The following GRID2 variants were observed in gnomAD, a reference collection of about 807,000 sequenced individuals.
GRID2 encodes the protein glutamate receptor ionotropic, delta-2.
GRID2 carries 33 observed loss-of-function variants against 114.8 expected under a neutral mutation model. The ratio of observed to expected loss-of-function variants is 0.29; its 90% CI spans 0.22 to 0.38. The LOEUF is 0.38. Among genes scored for constraint, GRID2 ranks in the 10% least tolerant of loss-of-function variants. The pLI is 1.00. For synonymous variants in GRID2, 505 were observed against 449.9 expected (o/e 1.12, Z -1.55); for missense variants, 1,184 against 1,257.7 (o/e 0.94, Z 0.89).
At chr4:92,426,082 A>G (rs548724539) in intron 1 of GRID2, among the ~76,000 whole-genome samples, 198 of 152,252 alleles carry the variant, frequency 1.3e-3, no homozygotes, top group Non-Finnish European at 1.7e-3. Context: ...TGAATACTTT[A>G]TGATTCAAAC....
At chr4:92,783,421 T>G (rs1288020050) in intron 2 of GRID2, among the ~76,000 whole-genome samples, 1 of 152,254 alleles carries the variant, frequency 6.6e-6, no homozygotes, top group African/African-American at 2.4e-5. Context: ...TTTAAAACTC[T>G]GAACATAATG....
chr4:92,428,883 T>C (rs183477035), intron 1 of GRID2, among the ~76,000 whole-genome samples: 104 of 152,336 alleles, frequency 6.8e-4, no homozygotes, highest in African/African-American at 2.4e-3. Flanking sequence ...TTTTAAATTA[T>C]ACTTTAAGTT....
In GRID2 at chr4:92,550,266, TGTAGA is replaced by T. The variant is rs1489038913; in HGVS notation, c.89-39861_89-39857del. On this transcript the variant is annotated intron_variant, in intron 1 of 15. Transcript: ENST00000282020. ...GAACACATAGATTATATTTTTTGTT[TGTAGA>T]GTATTTATTAACTATATAAGCAACA... Among the ~76,000 whole-genome samples the T allele has an allele frequency of 7.9e-5, 12 of 152,290 alleles. No homozygotes were observed. In the East Asian group the frequency reaches 2.1e-3, roughly 27 times the overall value.
intron 2 of GRID2, among the ~76,000 whole-genome samples, chr4:92,999,118 G>A (rs1375177272): frequency 6.6e-6 from 1 of 151,712 alleles, no homozygotes; most frequent in African/African-American, 2.4e-5. Context: ...AAAGCTCATT[G>A]TATAAAACTT....
At chr4:92,819,360 A>G (rs1047546221) in intron 2 of GRID2, among the ~76,000 whole-genome samples, 3 of 152,174 alleles carry the variant, frequency 2.0e-5, no homozygotes, top group Admixed American at 1.3e-4. Context: ...AGTGATTCCA[A>G]TGTGCAGCCA....
At position 93,780,894 on chromosome 4, in the gene GRID2, G is replaced by A. The variant is rs528270698; in HGVS notation, c.221+11444G>A. The stretch of plus-strand genomic sequence containing the variant: ...AGAAGAAAAAGAGGCCAATTAAAAG[G>A]GCTGGACAATAATTTCGGTATGTGC... On this transcript the variant is annotated intron_variant, in intron 1 of 1. Coordinates refer to the GRID2 transcript ENST00000637838. Among the ~76,000 whole-genome samples, 7 of 152,300 alleles carry A rather than the reference G, an allele frequency of 4.6e-5. No individual in the cohort carries two copies. In the East Asian group the frequency reaches 1.2e-3, roughly 25 times the overall value.
intron 2 of GRID2, among the ~76,000 whole-genome samples, chr4:92,871,607 C>T (rs767564542): frequency 6.6e-6 from 1 of 152,102 alleles, no homozygotes; most frequent in African/African-American, 2.4e-5. Flanking sequence ...AGTCAAGGAG[C>T]AGGGAAGAGG....
chr4:93,259,050 A>AT, intron 8 of GRID2: 1 of 359,566 alleles, frequency 2.8e-6, no homozygotes, highest in Non-Finnish European at 5.6e-6. Flanking sequence ...AAGAAAAAAA[A>AT]GTATTATAGA....
intron 2 of GRID2, among the ~76,000 whole-genome samples, chr4:92,965,762 A>C (rs1243737545): frequency 1.3e-5 from 2 of 151,880 alleles, no homozygotes; most frequent in Non-Finnish European, 2.9e-5. Context: ...TTTCTTCAAA[A>C]ATATAGCCAG....
chr4:92,542,993 TAAAC>T (rs77874363), intron 1 of GRID2, among the ~76,000 whole-genome samples: 33,494 of 151,812 alleles, frequency 0.22, 4,571 homozygotes, highest in African/African-American at 0.39. Context: ...CACTTCTAAA[TAAAC>T]AAACAGTACC....
chr4:93,555,959 G>A (rs1734278457), intron 13 of GRID2, among the ~76,000 whole-genome samples: 5 of 152,166 alleles, frequency 3.3e-5, no homozygotes, highest in Admixed American at 3.3e-4. Context: ...TGATACCCAG[G>A]CAAACGGAGT....
intron 13 of GRID2, among the ~76,000 whole-genome samples, chr4:93,553,580 T>C (rs1442857724): frequency 6.6e-6 from 1 of 152,248 alleles, no homozygotes; most frequent in Non-Finnish European, 1.5e-5. Context: ...TAGTTTGTTC[T>C]GACTGCTACA....
intron 2 of GRID2, among the ~76,000 whole-genome samples, chr4:93,043,285 G>A (rs2149271611): frequency 6.6e-6 from 1 of 152,286 alleles, no homozygotes; most frequent in South Asian, 2.1e-4. Flanking sequence ...GATACTTGCT[G>A]ATTGACCTTC....
At chr4:93,062,259 T>C (rs1285055410) in intron 2 of GRID2, among the ~76,000 whole-genome samples, 1 of 152,162 alleles carries the variant, frequency 6.6e-6, no homozygotes, top group Admixed American at 6.6e-5. Context: ...TTTGATAATA[T>C]ATTTTTAGTG....
chr4:92,632,293 T>C (rs188511510), intron 2 of GRID2, among the ~76,000 whole-genome samples: 1 of 152,280 alleles, frequency 6.6e-6, no homozygotes, highest in Non-Finnish European at 1.5e-5. Flanking sequence ...TGAAATAGTT[T>C]TTAATTTTGT....
rs1215839277 is a variant in GRID2, at chr4:93,667,388, CT to C, written c.2360+40965del. Reference sequence around the variant, plus strand: ...TATATCTGTTAGATTCTCTCTCTCTCTTTTTTTTTTTTCCAAAAATCTGTGC... The same window carrying C: ...TATATCTGTTAGATTCTCTCTCTCTCTTTTTTTTTTTCCAAAAATCTGTGC... On this transcript the variant is annotated intron_variant, in intron 14 of 15. Transcript: ENST00000282020. 5.1e-3 allele frequency among the ~76,000 whole-genome samples: 721 copies of C among 142,440 alleles called. 7 individuals carry two copies. The highest frequency in any genetic ancestry group is 0.016 in the African/African-American group (600 of 37,430). 93.4% of individuals were successfully genotyped at this position (142,440 alleles called of 152,430 possible).
intron 1 of GRID2, among the ~76,000 whole-genome samples, chr4:92,440,087 G>A (rs1226250408): frequency 6.8e-6 from 1 of 146,410 alleles, no homozygotes; most frequent in African/African-American, 2.4e-5. Flanking sequence ...GCATTCCGAG[G>A]ACAGGCCTGA....
intron 2 of GRID2, among the ~76,000 whole-genome samples, chr4:92,682,612 A>C (rs2149285618): frequency 2.0e-5 from 3 of 152,162 alleles, no homozygotes; most frequent in Middle Eastern, 3.4e-3. Context: ...CTGAGAAGAG[A>C]CACCCAGGGG....
At chr4:93,728,033 G>T (rs1730105632) in intron 14 of GRID2, among the ~76,000 whole-genome samples, 1 of 152,034 alleles carries the variant, frequency 6.6e-6, no homozygotes, top group Middle Eastern at 3.2e-3. Context: ...GCTAGCTTTT[G>T]AATGTGTTTT....
Sources: allele counts gnomAD v4.1 joint callset (sites outside exome capture counted in the v4.1 genomes callset), GRCh38; gene constraint gnomAD v4.1.1; transcripts MANE v1.5; gene names NCBI Gene and HGNC (gene_info 2026-07-23, HGNC 2026-07-21).